BACH2: variants seen among roughly 807,000 people sequenced by gnomAD.
BACH2 encodes transcription regulator protein BACH2.
A neutral mutation model predicts 61.8 loss-of-function variants in BACH2; 5 were observed. The observed-to-expected ratio is 0.08, with a 90% CI of 0.04 to 0.17. The LOEUF (loss-of-function observed/expected upper bound fraction) is 0.17, where lower values mean the gene tolerates loss of function less well. Ranked by LOEUF, BACH2 falls within the 10% of genes least tolerant of loss-of-function variation. The pLI, the probability that BACH2 is intolerant of heterozygous loss-of-function variation, is 1.00. For synonymous variants in BACH2, 446 were observed against 440.1 expected (o/e 1.01, Z -0.17); for missense variants, 824 against 1,091.1 (o/e 0.76, Z 3.45).
intron 6 of BACH2, among the ~76,000 whole-genome samples, chr6:89,986,106 G>A (rs937166819): frequency 4.6e-5 from 7 of 152,168 alleles, no homozygotes; most frequent in Non-Finnish European, 1.0e-4. Flanking sequence ...TAGTGGCGGC[G>A]GCGAACTGAA....
chr6:90,003,183 C>T (rs1280742501), intron 6 of BACH2, among the ~76,000 whole-genome samples: 3 of 152,178 alleles, frequency 2.0e-5, no homozygotes, highest in Non-Finnish European at 4.4e-5. Context: ...AAAGACCAAT[C>T]GCTCAGTGAG....
chr6:90,052,896 A>T (rs981766789), intron 5 of BACH2, among the ~76,000 whole-genome samples: 5 of 152,196 alleles, frequency 3.3e-5, no homozygotes, highest in Admixed American at 2.0e-4. Flanking sequence ...AAGTTTAGGC[A>T]ATTTACATAT....
rs149350896 is a variant in BACH2, at chr6:89,935,581, T to C, written c.2043+2563A>G. Among the ~76,000 whole-genome samples, 407 of 152,350 alleles carry C rather than the reference T, an allele frequency of 2.7e-3. 1 individual carries two copies. Among genetic ancestry groups the C allele is most frequent in the African/African-American group, 9.3e-3 (385 of 41,576 alleles). ...ACGTACACTGATGAATGTGTTCTTATTCGGCACTGAAACACAACGTGTTAT... is the reference window on the plus strand; with the variant it reads ...ACGTACACTGATGAATGTGTTCTTACTCGGCACTGAAACACAACGTGTTAT... On this transcript the variant is annotated intron_variant, in intron 8 of 8. Transcript: ENST00000257749.
chr6:90,294,523 T>G (rs1163082029), intron 1 of BACH2, among the ~76,000 whole-genome samples: 1 of 152,194 alleles, frequency 6.6e-6, no homozygotes, highest in Non-Finnish European at 1.5e-5. Flanking sequence ...CCAGAAAAAC[T>G]GAATTTATAA....
intron 1 of BACH2, among the ~76,000 whole-genome samples, chr6:90,279,250 C>T (rs575150325): frequency 1.3e-5 from 2 of 152,064 alleles, no homozygotes; most frequent in South Asian, 2.1e-4. Flanking sequence ...CGGCCAGGCA[C>T]GGTGGCTCAT....
At chr6:90,257,284 A>G (rs941947154) in intron 2 of BACH2, among the ~76,000 whole-genome samples, 4 of 152,066 alleles carry the variant, frequency 2.6e-5, no homozygotes, top group Non-Finnish European at 5.9e-5. Context: ...TCTGTTTTTA[A>G]TTTCTTTAGA....
intron 6 of BACH2, among the ~76,000 whole-genome samples, chr6:89,982,914 G>A (rs1776038743): frequency 6.6e-6 from 1 of 152,154 alleles, no homozygotes; most frequent in Non-Finnish European, 1.5e-5. Context: ...CATTCCTGCA[G>A]AATGTTTTTC....
rs183739953 is a variant in BACH2, at chr6:90,295,766, C to G, written c.-446+714G>C. Among the ~76,000 whole-genome samples the G allele has an allele frequency of 5.3e-5, 8 of 152,144 alleles. No homozygotes were observed. In the East Asian group the frequency reaches 5.8e-4, roughly 11 times the overall value. On this transcript the variant is annotated intron_variant, in intron 1 of 8. Coordinates refer to ENST00000257749, the MANE Select transcript of BACH2 (RefSeq NM_021813.4). ...GAAGCCTGGCGCCCTTAGGTCTTAG[C>G]TACGCGGGACGCTTTCCGACAACCC...
rs574676872 is a variant in BACH2, at chr6:90,119,728, A to G, written c.-161-30619T>C. Among the ~76,000 whole-genome samples, 5 of 152,368 alleles carry G rather than the reference A, an allele frequency of 3.3e-5. No homozygotes were observed. In the South Asian group the frequency reaches 8.3e-4, roughly 25 times the overall value. ...CTTAGGGGGTAAAAATATTTTAAATAAAACAAATATTTAGAAGTTCTTAGT... is the reference window on the plus strand; with the variant it reads ...CTTAGGGGGTAAAAATATTTTAAATGAAACAAATATTTAGAAGTTCTTAGT... On this transcript the variant is annotated intron_variant, in intron 4 of 8. Coordinates refer to ENST00000257749, the MANE Select transcript of BACH2 (RefSeq NM_021813.4).
intron 4 of BACH2, among the ~76,000 whole-genome samples, chr6:90,195,863 C>T (rs1185272019): frequency 6.6e-6 from 1 of 152,172 alleles, no homozygotes; most frequent in African/African-American, 2.4e-5. Flanking sequence ...CCAGCTCCTC[C>T]ACTACAGTCC....
At chr6:90,180,291 AG>A (rs1768115176) in intron 4 of BACH2, among the ~76,000 whole-genome samples, 1 of 152,232 alleles carries the variant, frequency 6.6e-6, no homozygotes, top group Non-Finnish European at 1.5e-5. Context: ...TAAGTATAAA[AG>A]AAATATAAAT....
rs188893191 is a variant in BACH2 at position 90,025,978 on chromosome 6, A to G, written c.-12-17122T>C. ...CACTGCAGATTTGTACCTAGTGCACAGTTCAACACAGGGCTCATAACTCCT... is the reference window on the plus strand; with the variant it reads ...CACTGCAGATTTGTACCTAGTGCACGGTTCAACACAGGGCTCATAACTCCT... On this transcript the variant is annotated intron_variant, in intron 5 of 8. Coordinates refer to ENST00000257749, the MANE Select transcript of BACH2 (RefSeq NM_021813.4). Among the ~76,000 whole-genome samples, 373 of 152,338 alleles carry G rather than the reference A, an allele frequency of 2.4e-3. 1 individual carries two copies. The highest frequency in any genetic ancestry group is 7.4e-3 in the African/African-American group (307 of 41,576).
At chr6:90,209,197 T>C (rs114085796) in intron 3 of BACH2, among the ~76,000 whole-genome samples, 141 of 152,182 alleles carry the variant, frequency 9.3e-4, no homozygotes, top group African/African-American at 3.3e-3. Flanking sequence ...GAACTTAAAG[T>C]ATAATAAAAA....
chr6:90,054,545 G>C (rs976304948), intron 5 of BACH2, among the ~76,000 whole-genome samples: 1 of 152,228 alleles, frequency 6.6e-6, no homozygotes, highest in Non-Finnish European at 1.5e-5. Context: ...CACCTCTGGG[G>C]GCAGGGCACA....
chr6:90,213,966 G>C (rs765762869), intron 3 of BACH2, among the ~76,000 whole-genome samples: 2 of 152,070 alleles, frequency 1.3e-5, no homozygotes, highest in African/African-American at 2.4e-5. Flanking sequence ...AATAAATACT[G>C]AAGTTTTTTC....
intron 6 of BACH2, among the ~76,000 whole-genome samples, chr6:89,986,401 T>C (rs1030134104): frequency 6.6e-6 from 1 of 152,178 alleles, no homozygotes; most frequent in Non-Finnish European, 1.5e-5. Flanking sequence ...ACTGTGGGCT[T>C]CAGGGATTCA....
chr6:90,227,754 T>C (rs1769963265), intron 3 of BACH2, among the ~76,000 whole-genome samples: 2 of 151,838 alleles, frequency 1.3e-5, no homozygotes, highest in South Asian at 4.1e-4. Context: ...AGAAATCAAC[T>C]AGACTTCAAC....
chr6:90,085,547 C>T (rs1781899152), intron 5 of BACH2, among the ~76,000 whole-genome samples: 1 of 152,142 alleles, frequency 6.6e-6, no homozygotes, highest in African/African-American at 2.4e-5. Flanking sequence ...TAGTAGAGAC[C>T]ACAGTTGTTT....
intron 6 of BACH2, among the ~76,000 whole-genome samples, chr6:89,957,602 G>T (rs1774495599): frequency 6.6e-6 from 1 of 152,160 alleles, no homozygotes; most frequent in Non-Finnish European, 1.5e-5. Flanking sequence ...GCAGTGGCAT[G>T]ATCTTGCCAC....
Sources: gnomAD v4.1 joint callset for allele counts (sites outside exome capture counted in the v4.1 genomes callset) on GRCh38, gnomAD v4.1.1 for gene constraint, MANE v1.5 for transcripts, NCBI Gene and HGNC (gene_info 2026-07-23, HGNC 2026-07-21) for gene names.